CNBD1: variants seen among roughly 807,000 people sequenced by gnomAD.
CNBD1 encodes the protein cyclic nucleotide-binding domain-containing protein 1.
A neutral mutation model predicts 54.4 loss-of-function variants in CNBD1; 71 were observed. The observed-to-expected ratio is 1.30, with a 90% CI of 1.08 to 1.59. CNBD1 has a LOEUF of 1.59. Ranked by LOEUF, CNBD1 falls within the 40% of genes most tolerant of loss-of-function variation. CNBD1 has a pLI of 0.00. For missense variants in CNBD1, 659 were observed against 518.0 expected (o/e 1.27, Z -2.64); for synonymous variants, 182 against 170.7 (o/e 1.07, Z -0.51).
At chr8:87,327,594 A>T (rs1586016848) in intron 8 of CNBD1, among the ~76,000 whole-genome samples, 1 of 151,898 alleles carries the variant, frequency 6.6e-6, no homozygotes, top group East Asian at 1.9e-4. Flanking sequence ...CCCTTTTTTG[A>T]CTCAGAAAGG....
chr8:87,266,529 G>A (rs1203867499), intron 6 of CNBD1, among the ~76,000 whole-genome samples: 1 of 121,956 alleles, frequency 8.2e-6, no homozygotes, highest in Non-Finnish European at 1.6e-5. Flanking sequence ...TCGGCTCACT[G>A]CAACCTCCGC....
At chr8:87,138,571 C>A (rs1018810197) in intron 4 of CNBD1, among the ~76,000 whole-genome samples, 1 of 152,144 alleles carries the variant, frequency 6.6e-6, no homozygotes. Context: ...ATAGTGTTTT[C>A]TCAATCTCTT....
chr8:86,998,466 T>C (rs1808926562), intron 4 of CNBD1, among the ~76,000 whole-genome samples: 2 of 152,128 alleles, frequency 1.3e-5, no homozygotes, highest in African/African-American at 4.8e-5. Flanking sequence ...AGGACACTTG[T>C]TTATGAGAGC....
At chr8:87,349,533 G>A (rs889715254) in intron 8 of CNBD1, among the ~76,000 whole-genome samples, 2 of 152,078 alleles carry the variant, frequency 1.3e-5, no homozygotes, top group African/African-American at 4.8e-5. Flanking sequence ...GCGCCACCAG[G>A]CCCAACTAGT....
intron 4 of CNBD1, among the ~76,000 whole-genome samples, chr8:87,194,267 C>G (rs1366483265): frequency 6.6e-6 from 1 of 152,146 alleles, no homozygotes; most frequent in Non-Finnish European, 1.5e-5. Flanking sequence ...ATAGAAATAA[C>G]TGGTGCGATA....
chr8:87,267,542 G>T (rs1352568065), intron 6 of CNBD1, among the ~76,000 whole-genome samples: 1 of 152,102 alleles, frequency 6.6e-6, no homozygotes, highest in Non-Finnish European at 1.5e-5. Context: ...ATATTTTAGA[G>T]ATACTATTAT....
chr8:87,377,589 C>T (rs865812527), intron 10 of CNBD1, among the ~76,000 whole-genome samples: 5,425 of 151,276 alleles, frequency 0.036, 174 homozygotes, highest in Non-Finnish European at 0.056. Context: ...TCTTTGCTAT[C>T]GTGAATAATG....
rs759574674 is a variant in CNBD1 at position 86,887,564 on chromosome 8, T to A, written c.111T>A (p.Ile37=). 2 of 1,576,070 alleles carry A rather than the reference T, an allele frequency of 1.3e-6. No individual in the cohort carries two copies. The highest frequency in any genetic ancestry group is 1.7e-6 in the Non-Finnish European group (2 of 1,158,514). ...CAGACTTGAAAAAGTCTAAGCACAT[T>A]AATTATGGCCAGTTGAATGCATTAT... ...SIPNLKKSKH[I]NYGQLNALCH... is the part of the protein sequence containing the mutation. The change falls in exon 2 of 11, where the codon ATT becomes ATA. Residue 37 remains isoleucine (I), a synonymous_variant. Coordinates refer to ENST00000518476, the MANE Select transcript of CNBD1 (RefSeq NM_173538.3).
At chr8:86,885,038 A>G (rs1808661628) in intron 1 of CNBD1, among the ~76,000 whole-genome samples, 1 of 152,182 alleles carries the variant, frequency 6.6e-6, no homozygotes, top group South Asian at 2.1e-4. Flanking sequence ...GTATTTACAG[A>G]ATTTCTAAGC....
At chr8:87,063,682 T>C (rs908112660) in intron 4 of CNBD1, among the ~76,000 whole-genome samples, 1 of 152,066 alleles carries the variant, frequency 6.6e-6, no homozygotes, top group Non-Finnish European at 1.5e-5. Context: ...GGTTCTATTA[T>C]CTATATATTT....
At chr8:86,894,970 C>T (rs1057187659) in intron 2 of CNBD1, among the ~76,000 whole-genome samples, 8 of 151,998 alleles carry the variant, frequency 5.3e-5, no homozygotes, top group African/African-American at 1.5e-4. Context: ...GAGTGGAAGG[C>T]GAAAGCAAGC....
Position 87,261,982 on chromosome 8 carries a change from CA to C in CNBD1, c.772-22682del, listed in dbSNP as rs71277922. ...CCAACATGGCAAAACTCTGTCTTTA[CA>C]AAAAAAAAAAAAATACAAAAATTAG... On this transcript the variant is annotated intron_variant, in intron 6 of 10. Coordinates refer to ENST00000518476, the MANE Select transcript of CNBD1 (RefSeq NM_173538.3). 2.3e-3 allele frequency among the ~76,000 whole-genome samples: 292 copies of C among 128,474 alleles called. 1 individual carries two copies. The highest frequency in any genetic ancestry group is 3.8e-3 in the Middle Eastern group (1 of 262). 84.3% of individuals were successfully genotyped at this position (128,474 alleles called of 152,430 possible).
At chr8:87,404,268 G>T (rs759985933) in intron 2 of CNBD1, among the ~76,000 whole-genome samples, 4 of 152,110 alleles carry the variant, frequency 2.6e-5, no homozygotes, top group South Asian at 4.1e-4. Flanking sequence ...TATTGAATTA[G>T]TAGTTTTGTG....
At chr8:87,049,204 A>G (rs1385460007) in intron 4 of CNBD1, among the ~76,000 whole-genome samples, 1 of 152,106 alleles carries the variant, frequency 6.6e-6, no homozygotes, top group African/African-American at 2.4e-5. Context: ...CAGTTATGTC[A>G]TCCACACCCT....
intron 4 of CNBD1, among the ~76,000 whole-genome samples, chr8:87,065,959 AC>A (rs955820958): frequency 1.2e-4 from 18 of 151,966 alleles, no homozygotes; most frequent in Non-Finnish European, 1.0e-4. Flanking sequence ...CCTAGATGTC[AC>A]CAGAGAAGTA....
At chr8:87,123,156 T>G (rs932231629) in intron 4 of CNBD1, among the ~76,000 whole-genome samples, 10 of 151,818 alleles carry the variant, frequency 6.6e-5, no homozygotes, top group African/African-American at 2.4e-4. Flanking sequence ...AATTACACTT[T>G]AGACCAAATA....
chr8:86,944,129 A>G (rs1399032984), intron 4 of CNBD1, among the ~76,000 whole-genome samples: 4 of 152,238 alleles, frequency 2.6e-5, no homozygotes, highest in African/African-American at 9.6e-5. Flanking sequence ...TCAAAAGAGA[A>G]AATATTTCAG....
rs185287450 is a variant in CNBD1 at position 87,001,631 on chromosome 8, C to T, written c.431+61877C>T. Among the ~76,000 whole-genome samples the T allele has an allele frequency of 3.3e-5, 5 of 152,288 alleles. No individual in the cohort carries two copies. In the East Asian group the frequency reaches 9.6e-4, roughly 29 times the overall value. On this transcript the variant is annotated intron_variant, in intron 4 of 10. Coordinates refer to ENST00000518476, the MANE Select transcript of CNBD1 (RefSeq NM_173538.3). ...TATGTGTTTATTTAATTAATTCAAT[C>T]ATTCATTTCTGTAATCACTCATTTT...
chr8:87,297,702 GGTGT>G lies in CNBD1; in HGVS notation c.1042+11047_1042+11050del, dbSNP rs10600761. 4.9e-5 allele frequency among the ~76,000 whole-genome samples: 4 copies of G among 82,232 alleles called. No homozygotes were observed. The East Asian group carries it at 8.8e-4, about 18-fold the overall frequency. 53.9% of individuals were successfully genotyped at this position (82,232 alleles called of 152,430 possible). On this transcript the variant is annotated intron_variant, in intron 8 of 10. Coordinates refer to ENST00000518476, the MANE Select transcript of CNBD1 (RefSeq NM_173538.3). ...TACAGATGCATTTGTGAGAATGTGGGGTGTGTGTGTGTGTGTGTGATTATCTCAA... is the reference window on the plus strand; with the variant it reads ...TACAGATGCATTTGTGAGAATGTGGGGTGTGTGTGTGTGTGATTATCTCAA...
Sources: allele counts gnomAD v4.1 joint callset (sites outside exome capture counted in the v4.1 genomes callset), GRCh38; gene constraint gnomAD v4.1.1; transcripts MANE v1.5; gene names NCBI Gene and HGNC (gene_info 2026-07-23, HGNC 2026-07-21).